The following TGFBR3 variants were observed in gnomAD, a reference collection of about 807,000 sequenced individuals.
The protein encoded by TGFBR3 is transforming growth factor beta receptor type 3.
In TGFBR3, 46 loss-of-function variants were observed where a neutral mutation model predicts 87.9. That is an observed-to-expected ratio of 0.52 (90% confidence interval 0.41 to 0.67). The LOEUF (loss-of-function observed/expected upper bound fraction) is 0.67, where lower values mean the gene tolerates loss of function less well. Among genes scored for constraint, TGFBR3 ranks in the 30% least tolerant of loss-of-function variants. The pLI, the probability that TGFBR3 is intolerant of heterozygous loss-of-function variation, is 0.00. For missense variants in TGFBR3, 866 were observed against 1,041.9 expected (o/e 0.83, Z 2.32); for synonymous variants, 381 against 391.6 (o/e 0.97, Z 0.32).
Position 91,722,048 on chromosome 1 carries a change from C to A in TGFBR3, c.982G>T (p.Val328Leu). 14 of 1,613,864 alleles carry A rather than the reference C, an allele frequency of 8.7e-6. No homozygotes were observed. The highest frequency in any genetic ancestry group is 1.2e-5 in the Non-Finnish European group (14 of 1,179,892). The part of the protein sequence containing the change: ...DDIPSTQGNL[V>L]KWALDNGYSP... ...TAGCCATTGTCCAAAGCCCACTTCA[C>A]CAGATTCCCTTGGGTTGAAGGAATG... Residue 328 changes from valine (V) to leucine (L), a missense_variant, in exon 8 of 17, where the codon GTG becomes TTG. Physicochemically the swap from Val to Leu is conservative, Grantham distance 32. Transcript: ENST00000212355.
chr1:91,685,692 T>C (rs1273252976), intron 16 of TGFBR3, among the ~76,000 whole-genome samples: 1 of 152,148 alleles, frequency 6.6e-6, no homozygotes, highest in Non-Finnish European at 1.5e-5. Context: ...CTACTCTTCA[T>C]GTGTGTGTAT....
At chr1:91,827,548 G>A (rs949709760) in intron 2 of TGFBR3, among the ~76,000 whole-genome samples, 12 of 152,182 alleles carry the variant, frequency 7.9e-5, no homozygotes, top group African/African-American at 2.9e-4. Flanking sequence ...AGCCCCAAAG[G>A]ATGAGCAGGG....
intron 3 of TGFBR3, among the ~76,000 whole-genome samples, chr1:91,793,259 G>T (rs890386334): frequency 6.6e-6 from 1 of 152,134 alleles, no homozygotes. Flanking sequence ...CTGGGAGGTA[G>T]GAATTTATTA....
intron 4 of TGFBR3, among the ~76,000 whole-genome samples, chr1:91,742,973 C>T (rs568072376): frequency 6.6e-6 from 1 of 152,270 alleles, no homozygotes; most frequent in South Asian, 2.1e-4. Flanking sequence ...TCAACAACCT[C>T]ATCCAAAACT....
Position 91,729,855 on chromosome 1 carries a change from A to G in TGFBR3, c.687T>C (p.Asn229=). The change falls in exon 6 of 17, where the codon AAT becomes AAC. Residue 229 remains asparagine, a synonymous_variant. Transcript: ENST00000212355. ...TTAGCTCGATGATGTGTACTTCCTC[A>G]TTCTGGGGCTGGCTGGACATCACAC... is the stretch of plus-strand genomic sequence containing the variant. ...EGCVMSSQPQ[N]EEVHIIELIT... The G allele has an allele frequency of 6.2e-7, 1 of 1,614,156 alleles. No individual in the cohort carries two copies. Among genetic ancestry groups the G allele is most frequent in the Non-Finnish European group, 8.5e-7 (1 of 1,180,008 alleles).
At chr1:91,834,915 G>A (rs542964543) in intron 2 of TGFBR3, among the ~76,000 whole-genome samples, 5 of 152,162 alleles carry the variant, frequency 3.3e-5, no homozygotes, top group Admixed American at 2.6e-4. Flanking sequence ...CCTGACCTCC[G>A]GTGATCCACC....
Position 91,753,123 on chromosome 1 carries a change from C to T in TGFBR3, c.384+5490G>A, listed in dbSNP as rs558515739. Among the ~76,000 whole-genome samples the T allele has an allele frequency of 7.2e-5, 11 of 151,888 alleles. No homozygotes were observed. In the South Asian group the frequency reaches 8.3e-4, roughly 12 times the overall value. On this transcript the variant is annotated intron_variant, in intron 4 of 16. Coordinates refer to ENST00000212355, the MANE Select transcript of TGFBR3 (RefSeq NM_003243.5). ...AGTCCCTGCCCAGCACTGTGGCTCG[C>T]GCCTATAAACCCAGCACTTTGGGAG...
chr1:91,809,161 C>T (rs1346224007), intron 2 of TGFBR3, among the ~76,000 whole-genome samples: 2 of 152,244 alleles, frequency 1.3e-5, no homozygotes, highest in Non-Finnish European at 2.9e-5. Flanking sequence ...AGCTACACCT[C>T]ATTAACCCTG....
intron 3 of TGFBR3, among the ~76,000 whole-genome samples, chr1:91,772,861 T>G (rs911930180): frequency 2.0e-5 from 3 of 152,224 alleles, no homozygotes; most frequent in African/African-American, 7.2e-5. Flanking sequence ...AGAATCTCTC[T>G]CATTCTTTTC....
chr1:91,787,054 G>A (rs577246488), intron 3 of TGFBR3, among the ~76,000 whole-genome samples: 85 of 152,212 alleles, frequency 5.6e-4, no homozygotes, highest in Middle Eastern at 3.4e-3. Context: ...TATAATCCCC[G>A]CACTTTGGGA....
At chr1:91,827,800 A>T (rs1362874268) in intron 2 of TGFBR3, among the ~76,000 whole-genome samples, 1 of 152,194 alleles carries the variant, frequency 6.6e-6, no homozygotes. Flanking sequence ...ATAATAGTGC[A>T]TGTCATCAAA....
intron 2 of TGFBR3, among the ~76,000 whole-genome samples, chr1:91,806,059 C>T (rs1049119509): frequency 1.3e-5 from 2 of 152,166 alleles, no homozygotes; most frequent in African/African-American, 2.4e-5. Flanking sequence ...ATAAACTGCT[C>T]GGTTCACACG....
At chr1:91,796,676 C>T (rs895388040) in intron 3 of TGFBR3, among the ~76,000 whole-genome samples, 20 of 152,120 alleles carry the variant, frequency 1.3e-4, no homozygotes, top group African/African-American at 3.6e-4. Flanking sequence ...ACAGAGAAAA[C>T]GGTACCTTAT....
At chr1:91,708,642 A>T (rs766582666) in intron 14 of TGFBR3, 21 bp downstream of exon 14, 1 of 1,613,722 alleles carries the variant, frequency 6.2e-7, no homozygotes, top group Non-Finnish European at 8.5e-7. Context: ...CCATGCTCTG[A>T]TCGTGCCTCC....
At chr1:91,846,886 A>G (rs1439923457) in intron 2 of TGFBR3, among the ~76,000 whole-genome samples, 1 of 152,196 alleles carries the variant, frequency 6.6e-6, no homozygotes, top group African/African-American at 2.4e-5. Context: ...ATGCATGGAC[A>G]GCAACATAAA....
At chr1:91,783,199 G>A (rs1414095303) in intron 3 of TGFBR3, 1 of 151,984 alleles carries the variant, frequency 6.6e-6, no homozygotes, top group Non-Finnish European at 1.5e-5. Flanking sequence ...AAGTATCCAA[G>A]TCATACCTGT....
chr1:91,719,547 T>C (rs749196615), intron 9 of TGFBR3, 83 bp from the exon 10 acceptor site: 50 of 1,549,114 alleles, frequency 3.2e-5, no homozygotes, highest in Middle Eastern at 2.2e-4. Context: ...AATTGCCTGG[T>C]CTTCCAAGGA....
intron 3 of TGFBR3, among the ~76,000 whole-genome samples, chr1:91,795,704 T>C (rs1675356718): frequency 6.6e-6 from 1 of 152,188 alleles, no homozygotes; most frequent in Non-Finnish European, 1.5e-5. Flanking sequence ...CAACGCTTCA[T>C]AGGAGCTGCA....
chr1:91,789,463 G>A (rs894925005), intron 3 of TGFBR3, among the ~76,000 whole-genome samples: 7 of 152,144 alleles, frequency 4.6e-5, no homozygotes, highest in African/African-American at 1.7e-4. Flanking sequence ...CCGGGGCAGG[G>A]GCTGTACTTT....
Sources: gnomAD v4.1 joint callset for allele counts (sites outside exome capture counted in the v4.1 genomes callset) on GRCh38, gnomAD v4.1.1 for gene constraint, MANE v1.5 for transcripts, NCBI Gene and HGNC (gene_info 2026-07-23, HGNC 2026-07-21) for gene names.